The following COL25A1 variants were observed in gnomAD, a reference collection of about 807,000 sequenced individuals.
COL25A1 encodes collagen alpha-1(XXV) chain.
A neutral mutation model predicts 128.4 loss-of-function variants in COL25A1; 103 were observed. The observed-to-expected ratio is 0.80, with a 90% confidence interval of 0.68 to 0.94. The LOEUF is 0.94. COL25A1 is among the 40% of genes least tolerant of loss of function. The pLI is 0.00. For synonymous variants in COL25A1, 279 were observed against 277.2 expected (o/e 1.01, Z -0.06); for missense variants, 745 against 840.0 (o/e 0.89, Z 1.40).
At chr4:109,128,913 A>AAT (rs1768894565) in intron 3 of COL25A1, among the ~76,000 whole-genome samples, 1 of 152,204 alleles carries the variant, frequency 6.6e-6, no homozygotes, top group Non-Finnish European at 1.5e-5. Flanking sequence ...GTGTTATAAC[A>AAT]ATATGTGAAA....
intron 3 of COL25A1, among the ~76,000 whole-genome samples, chr4:109,125,566 C>T (rs559014108): frequency 6.6e-6 from 1 of 152,202 alleles, no homozygotes; most frequent in Admixed American, 6.6e-5. Flanking sequence ...TTCTTCGCTT[C>T]ATTTCTCTAC....
At chr4:108,827,329 C>T (rs1732517552) in intron 32 of COL25A1, 141 bp from the exon 33 acceptor site, 6 of 718,850 alleles carry the variant, frequency 8.3e-6, no homozygotes, top group South Asian at 1.7e-5. Flanking sequence ...AGAGTCACTG[C>T]CAGTGATATT....
intron 3 of COL25A1, among the ~76,000 whole-genome samples, chr4:109,145,819 C>A (rs1250284492): frequency 6.6e-6 from 1 of 151,620 alleles, no homozygotes; most frequent in Non-Finnish European, 1.5e-5. Context: ...CTAGCCTGGG[C>A]AACAAGAGCT....
At chr4:109,027,188 C>T (rs905024721) in intron 5 of COL25A1, among the ~76,000 whole-genome samples, 4 of 152,102 alleles carry the variant, frequency 2.6e-5, no homozygotes, top group African/African-American at 9.7e-5. Flanking sequence ...ATGTGGCAGA[C>T]AGCGATAAGG....
At chr4:109,203,376 T>C (rs1372738749) in intron 3 of COL25A1, among the ~76,000 whole-genome samples, 1 of 152,020 alleles carries the variant, frequency 6.6e-6, no homozygotes, top group Non-Finnish European at 1.5e-5. Flanking sequence ...ATGAGAGTTC[T>C]CAAAAACTTT....
At chr4:109,302,107 A>C in intron 1 of COL25A1, 32 bp from the exon 2 acceptor site, 1 of 1,442,692 alleles carries the variant, frequency 6.9e-7, no homozygotes, top group South Asian at 1.4e-5. Flanking sequence ...GATTCCTCCA[A>C]AGTTCAGTCC....
At chr4:109,248,984 T>C (rs1780468806) in intron 3 of COL25A1, among the ~76,000 whole-genome samples, 1 of 152,200 alleles carries the variant, frequency 6.6e-6, no homozygotes, top group South Asian at 2.1e-4. Flanking sequence ...ATTCAGCATA[T>C]ACTTAATGTA....
chr4:109,012,058 G>A (rs1756645793), intron 5 of COL25A1, among the ~76,000 whole-genome samples: 1 of 152,222 alleles, frequency 6.6e-6, no homozygotes, highest in Non-Finnish European at 1.5e-5. Context: ...TGTTGCCCAG[G>A]CAGGAGTGTA....
intron 13 of COL25A1, among the ~76,000 whole-genome samples, chr4:108,913,021 C>T (rs1744417473): frequency 1.3e-5 from 2 of 152,028 alleles, no homozygotes; most frequent in South Asian, 2.1e-4. Context: ...TTAAAAATAA[C>T]AATAAACTCT....
intron 3 of COL25A1, among the ~76,000 whole-genome samples, chr4:109,205,873 T>C (rs754341289): frequency 4.6e-5 from 7 of 152,128 alleles, no homozygotes; most frequent in Non-Finnish European, 1.0e-4. Flanking sequence ...TCTGATGTAA[T>C]TTAATAACAA....
intron 13 of COL25A1, among the ~76,000 whole-genome samples, chr4:108,908,583 A>G (rs752948910): frequency 2.6e-5 from 4 of 152,190 alleles, no homozygotes; most frequent in African/African-American, 4.8e-5. Flanking sequence ...GCGTTATCTA[A>G]ACAGCAAACT....
chr4:109,281,044 A>T (rs928437627), intron 3 of COL25A1, among the ~76,000 whole-genome samples: 1 of 152,222 alleles, frequency 6.6e-6, no homozygotes, highest in Non-Finnish European at 1.5e-5. Context: ...CAAAGGAAGC[A>T]CATCTTAAAA....
chr4:109,214,957 A>G (rs1777871784), intron 3 of COL25A1, among the ~76,000 whole-genome samples: 1 of 152,138 alleles, frequency 6.6e-6, no homozygotes, highest in Non-Finnish European at 1.5e-5. Flanking sequence ...CATGACATAG[A>G]AGAAAGCCTA....
At chr4:109,239,129 G>A (rs1221781790) in intron 3 of COL25A1, among the ~76,000 whole-genome samples, 3 of 151,658 alleles carry the variant, frequency 2.0e-5, no homozygotes, top group Admixed American at 6.6e-5. Context: ...AAAAGAATAC[G>A]GTCATCTTTT....
intron 3 of COL25A1, among the ~76,000 whole-genome samples, chr4:109,182,130 G>A (rs990916544): frequency 1.3e-5 from 2 of 151,956 alleles, no homozygotes; most frequent in African/African-American, 4.8e-5. Context: ...TCCATATTTT[G>A]GCTATTGCAA....
At chr4:108,873,544 T>C (rs1013947631) in intron 19 of COL25A1, among the ~76,000 whole-genome samples, 2 of 113,634 alleles carry the variant, frequency 1.8e-5, no homozygotes, top group African/African-American at 5.8e-5. Context: ...GTAGTAGTAG[T>C]AGTAGTAGTA....
chr4:108,904,943 T>A (rs1210795684), intron 13 of COL25A1, among the ~76,000 whole-genome samples: 2 of 152,096 alleles, frequency 1.3e-5, no homozygotes, highest in Non-Finnish European at 2.9e-5. Flanking sequence ...TTTAGAACTC[T>A]AATGTAAAAC....
chr4:108,946,270 C>T lies in COL25A1; in HGVS notation c.493-4833G>A, dbSNP rs1483863401. Among the ~76,000 whole-genome samples the T allele has an allele frequency of 2.0e-5, 3 of 152,180 alleles. No homozygotes were observed. The East Asian group carries it at 5.8e-4, about 29-fold the overall frequency. The stretch of plus-strand genomic sequence containing the variant: ...AATAATTCATAAGAAATGCTTCCAA[C>T]TACTTAGAGGCCATACATTCAAGGT... On this transcript the variant is annotated intron_variant, in intron 8 of 37. Coordinates refer to ENST00000399132, the MANE Select transcript of COL25A1 (RefSeq NM_198721.4).
At position 108,819,254 on chromosome 4, in the gene COL25A1, A is replaced by G. The variant is rs1578441594; in HGVS notation, c.1921T>C (p.Leu641=). 4 of 1,606,056 alleles carry G rather than the reference A, an allele frequency of 2.5e-6. No homozygotes were observed. Among genetic ancestry groups the G allele is most frequent in the Non-Finnish European group, 3.4e-6 (4 of 1,177,248 alleles). ...GLDGLDAPCQ[L]GPDGLPMPGC... The stretch of plus-strand genomic sequence containing the variant: ...GGTAGGAAAGAGAAATACTGTACCA[A>G]TTGGCAAGGGGCATCCAGCCCATCC... The change falls in exon 36 of 38, where the codon TTG becomes CTG. Residue 641 remains leucine (L), a splice_region_variant and synonymous_variant. Transcript: ENST00000399132.
Sources: allele counts gnomAD v4.1 joint callset (sites outside exome capture counted in the v4.1 genomes callset), GRCh38; gene constraint gnomAD v4.1.1; transcripts MANE v1.5; gene names NCBI Gene and HGNC (gene_info 2026-07-23, HGNC 2026-07-21).